Variants in SLC22A3 observed in about 807,000 individuals in gnomAD.
SLC22A3 encodes the protein solute carrier family 22 member 3.
A neutral mutation model predicts 59.1 loss-of-function variants in SLC22A3; 51 were observed. The ratio of observed to expected loss-of-function variants is 0.86; its 90% CI spans 0.69 to 1.09. The LOEUF (loss-of-function observed/expected upper bound fraction) is 1.09. SLC22A3 is among the 50% of genes least tolerant of loss of function. SLC22A3 has a pLI of 0.00. For synonymous variants in SLC22A3, 325 were observed against 292.0 expected, an observed-to-expected ratio of 1.11 and a Z score of -1.15; for missense variants, 711 against 726.3, an observed-to-expected ratio of 0.98 and a Z score of 0.24.
chr6:160,425,908 A>G (rs770489535), intron 5 of SLC22A3: 1 of 985,450 alleles, frequency 1.0e-6, no homozygotes, highest in Non-Finnish European at 1.2e-6. Flanking sequence ...GCTGTCAACA[A>G]CATTCAGGAT....
At position 160,408,801 on chromosome 6, in the gene SLC22A3, T is replaced by C; in HGVS notation, c.737T>C (p.Ile246Thr). The C allele has an allele frequency of 1.2e-6, 2 of 1,613,800 alleles. No individual in the cohort carries two copies. Among genetic ancestry groups the C allele is most frequent in the Non-Finnish European group, 1.7e-6 (2 of 1,179,810 alleles). ...SKQRRIVGIV[I>T]QMFFTLGIII... is the part of the protein sequence containing the mutation. ...CAAAGGAGGATTGTGGGAATCGTGA[T>C]TCAAATGTTCTTTACCCTTGGAATC... The change falls in exon 4 of 11, where the codon ATT (isoleucine) becomes ACT (threonine). Residue 246 changes from isoleucine to threonine, a missense_variant. Physicochemically the swap from Ile to Thr is moderately conservative, Grantham distance 89. Coordinates refer to ENST00000275300, the MANE Select transcript of SLC22A3 (RefSeq NM_021977.4).
intron 1 of SLC22A3, among the ~76,000 whole-genome samples, chr6:160,361,869 C>T (rs1033754239): frequency 3.9e-5 from 6 of 152,166 alleles, no homozygotes; most frequent in African/African-American, 1.2e-4. Context: ...CTCCAAAAGG[C>T]GACTAAGCAC....
intron 5 of SLC22A3, among the ~76,000 whole-genome samples, chr6:160,429,673 C>T (rs1322045272): frequency 1.3e-5 from 2 of 152,134 alleles, no homozygotes; most frequent in Admixed American, 1.3e-4. Context: ...GGGAGACCAA[C>T]GCTGCTGACT....
At chr6:160,403,476 G>T (rs1280906930) in intron 2 of SLC22A3, among the ~76,000 whole-genome samples, 1 of 151,902 alleles carries the variant, frequency 6.6e-6, no homozygotes, top group African/African-American at 2.4e-5. Context: ...GTTTAGAGAA[G>T]AAACTCTACC....
At chr6:160,435,552 A>C (rs1788306532) in intron 5 of SLC22A3, among the ~76,000 whole-genome samples, 1 of 152,194 alleles carries the variant, frequency 6.6e-6, no homozygotes, top group African/African-American at 2.4e-5. Context: ...ATAAGATATC[A>C]AGCTTTGGTT....
intron 3 of SLC22A3, 23 bp downstream of exon 3, chr6:160,407,218 T>G (rs1787054786): frequency 6.3e-7 from 1 of 1,577,788 alleles, no homozygotes; most frequent in Non-Finnish European, 8.6e-7. Flanking sequence ...TACACCATCT[T>G]CTCTATTTGG....
Position 160,441,437 on chromosome 6 carries a change from CAGCT to C in SLC22A3, c.1289-1322_1289-1319del, listed in dbSNP as rs1308960324. Among the ~76,000 whole-genome samples, 34 of 152,276 alleles carry C rather than the reference CAGCT, an allele frequency of 2.2e-4. No homozygotes were observed. The South Asian group carries it at 3.5e-3, about 16-fold the overall frequency. ...CTGCCTGATATAACCGTTAACGTGA[CAGCT>C]ACAAGGGTTCTCATGTGGGAAAAAC... is the stretch of plus-strand genomic sequence containing the variant. On this transcript the variant is annotated intron_variant, in intron 7 of 10. Transcript: ENST00000275300.
At chr6:160,436,087 A>G (rs1020324481) in intron 5 of SLC22A3, among the ~76,000 whole-genome samples, 1 of 152,204 alleles carries the variant, frequency 6.6e-6, no homozygotes, top group Non-Finnish European at 1.5e-5. Context: ...TGCAGAGGTA[A>G]GAGACTGACA....
chr6:160,447,867 C>T (rs1163491254), intron 10 of SLC22A3, 49 bp downstream of exon 10: 2 of 1,328,384 alleles, frequency 1.5e-6, no homozygotes, highest in Admixed American at 3.4e-5. Context: ...TATTTAAAAC[C>T]ACGGGGGAAA....
chr6:160,439,330 T>C (rs114834313), intron 7 of SLC22A3, among the ~76,000 whole-genome samples: 2 of 152,170 alleles, frequency 1.3e-5, no homozygotes, highest in African/African-American at 4.8e-5. Context: ...TCATCGTATG[T>C]GGACTAGGAA....
intron 5 of SLC22A3, among the ~76,000 whole-genome samples, chr6:160,427,894 C>A (rs1353448363): frequency 6.6e-6 from 1 of 152,178 alleles, no homozygotes; most frequent in African/African-American, 2.4e-5. Flanking sequence ...TAGAACCTTT[C>A]TATTTCCGTG....
At chr6:160,380,428 C>CAT (rs1455540529) in intron 1 of SLC22A3, among the ~76,000 whole-genome samples, 1 of 151,948 alleles carries the variant, frequency 6.6e-6, no homozygotes, top group African/African-American at 2.4e-5. Flanking sequence ...GAATTATGAT[C>CAT]ATATATACAA....
At chr6:160,409,597 A>G (rs1050229933) in intron 4 of SLC22A3, among the ~76,000 whole-genome samples, 2 of 151,914 alleles carry the variant, frequency 1.3e-5, no homozygotes, top group Admixed American at 1.3e-4. Context: ...GAATCGCCAC[A>G]CTGACTTCCA....
intron 1 of SLC22A3, among the ~76,000 whole-genome samples, chr6:160,357,915 C>A (rs1462287112): frequency 6.6e-6 from 1 of 152,200 alleles, no homozygotes; most frequent in East Asian, 1.9e-4. Flanking sequence ...ACAAATTTAT[C>A]ACATCTCTTG....
At chr6:160,441,942 G>A (rs1220860679) in intron 7 of SLC22A3, among the ~76,000 whole-genome samples, 2 of 152,154 alleles carry the variant, frequency 1.3e-5, no homozygotes, top group African/African-American at 4.8e-5. Flanking sequence ...GAAAGCTAGA[G>A]CAGTGACTTT....
chr6:160,382,367 G>T (rs2114797496), intron 1 of SLC22A3, among the ~76,000 whole-genome samples: 1 of 152,292 alleles, frequency 6.6e-6, no homozygotes, highest in Admixed American at 6.5e-5. Flanking sequence ...ATACTTGGCT[G>T]ACCACCAACT....
At chr6:160,391,765 C>T (rs1379322236) in intron 1 of SLC22A3, among the ~76,000 whole-genome samples, 5 of 152,110 alleles carry the variant, frequency 3.3e-5, no homozygotes, top group Non-Finnish European at 7.4e-5. Context: ...GAGGGGCTGA[C>T]GTATCATATG....
intron 5 of SLC22A3, among the ~76,000 whole-genome samples, chr6:160,431,612 T>C (rs1249677509): frequency 6.6e-6 from 1 of 152,132 alleles, no homozygotes; most frequent in Non-Finnish European, 1.5e-5. Flanking sequence ...AAACTTGTGG[T>C]CTGGAAAAGC....
At chr6:160,384,906 C>A (rs548603815) in intron 1 of SLC22A3, among the ~76,000 whole-genome samples, 1 of 152,228 alleles carries the variant, frequency 6.6e-6, no homozygotes, top group Non-Finnish European at 1.5e-5. Context: ...CTGGGCTCCT[C>A]TTCTTGTCTC....
Sources: allele counts gnomAD v4.1 joint callset (sites outside exome capture counted in the v4.1 genomes callset), GRCh38; gene constraint gnomAD v4.1.1; transcripts MANE v1.5; gene names NCBI Gene and HGNC (gene_info 2026-07-23, HGNC 2026-07-21).